The following MAPT variants were observed in gnomAD, a reference collection of about 807,000 sequenced individuals.
MAPT encodes the protein microtubule-associated protein tau.
MAPT carries 34 observed loss-of-function variants against 67.9 expected under a neutral mutation model. That is an observed-to-expected ratio of 0.50 (90% CI 0.38 to 0.67). The LOEUF (loss-of-function observed/expected upper bound fraction) is 0.67, where lower values mean the gene tolerates loss of function less well. Ranked by LOEUF, MAPT falls within the 30% of genes least tolerant of loss-of-function variation. The pLI, the probability that MAPT is intolerant of heterozygous loss-of-function variation, is 0.00. For synonymous variants in MAPT, 456 were observed against 464.5 expected (o/e 0.98, Z 0.23); for missense variants, 881 against 1,115.2 (o/e 0.79, Z 2.99).
chr17:46,019,856 A>G (rs1477799678), intron 12 of MAPT, among the ~76,000 whole-genome samples: 2 of 151,780 alleles, frequency 1.3e-5, no homozygotes, highest in Non-Finnish European at 2.9e-5. Context: ...TACTAAAAAT[A>G]CAAAAGTTAG....
intron 3 of MAPT, chr17:45,974,062 C>G (rs2072032689): frequency 2.5e-6 from 1 of 407,652 alleles, no homozygotes; most frequent in Admixed American, 3.6e-5. Context: ...AAGCAATCAT[C>G]TGGTTTTCAG....
chr17:46,002,179 C>T (rs2075055013), intron 9 of MAPT, among the ~76,000 whole-genome samples: 2 of 152,168 alleles, frequency 1.3e-5, no homozygotes, highest in African/African-American at 2.4e-5. Context: ...GGACATCGCC[C>T]GACAGGACAG....
chr17:45,974,571 T>C, intron 3 of MAPT: 1 of 933,680 alleles, frequency 1.1e-6, no homozygotes, highest in South Asian at 1.4e-5. Context: ...TTTATCCTCC[T>C]GTGGGGCAGG....
chr17:45,939,303 G>A (rs1316268187), intron 1 of MAPT, among the ~76,000 whole-genome samples: 1 of 152,206 alleles, frequency 6.6e-6, no homozygotes, highest in Non-Finnish European at 1.5e-5. Flanking sequence ...AGATCTGGAA[G>A]AGGTGGGATG....
In MAPT at chr17:45,969,744, A is replaced by G. The variant is rs118190448; in HGVS notation, c.134-2115A>G. 5.7e-3 allele frequency among the ~76,000 whole-genome samples: 870 copies of G among 151,588 alleles called. 28 individuals carry two copies. In the East Asian group the frequency reaches 0.066, roughly 11 times the overall value. On this transcript the variant is annotated intron_variant, in intron 2 of 12. Transcript: ENST00000262410. ...TACATATATCCAATCATACATCTGC[A>G]CATCACCAGCTCATCCATCTATCCA... is the stretch of plus-strand genomic sequence containing the variant.
Position 45,983,825 on chromosome 17 carries a change from T to A in MAPT, c.1246T>A (p.Ser416Thr). 1 of 1,612,624 alleles carries A rather than the reference T, an allele frequency of 6.2e-7. No individual in the cohort carries two copies. The highest frequency in any genetic ancestry group is 8.5e-7 in the Non-Finnish European group (1 of 1,179,788). The change falls in exon 5 of 13, where the codon TCT becomes ACT. Residue 416 changes from serine to threonine, a missense_variant. Coordinates refer to ENST00000262410, the MANE Select transcript of MAPT (RefSeq NM_001377265.1). Reference sequence around the variant, plus strand: ...AGAGGGGCCAGAGGCCCGGGGCCCCTCTTTGGGAGAGGACACAAAAGAGGC... The same window carrying A: ...AGAGGGGCCAGAGGCCCGGGGCCCCACTTTGGGAGAGGACACAAAAGAGGC... The part of the protein sequence containing the change: ...PGEGPEARGP[S>T]LGEDTKEADL...
At chr17:45,999,697 C>A in intron 9 of MAPT, 1 of 1,532,596 alleles carries the variant, frequency 6.5e-7, no homozygotes. Context: ...CAGGTTATGA[C>A]GTCACCATGC....
At chr17:45,961,273 T>C (rs2070377815) in intron 1 of MAPT, among the ~76,000 whole-genome samples, 1 of 152,270 alleles carries the variant, frequency 6.6e-6, no homozygotes, top group African/African-American at 2.4e-5. Context: ...GTGGTTTCTA[T>C]CCAGCTCTGT....
At position 45,982,867 on chromosome 17, in the gene MAPT, G is replaced by A. The variant is rs142076597; in HGVS notation, c.288G>A (p.Glu96=). 1.5e-6 allele frequency: 2 copies of A among 1,318,526 alleles called. No individual in the cohort carries two copies. The highest frequency in any genetic ancestry group is 2.9e-5 in the African/African-American group (2 of 67,830). 81.7% of individuals were successfully genotyped at this position (1,318,526 alleles called of 1,614,324 possible). The change falls in exon 5 of 13, where the codon GAG becomes GAA. Residue 96 remains glutamate, a splice_region_variant and synonymous_variant. Coordinates refer to ENST00000262410, the MANE Select transcript of MAPT (RefSeq NM_001377265.1). Reference sequence around the variant, plus strand: ...GCTATCGCTGCCTCTTCAAACCAGAGGAGTTGAGAGTTCCGGGCCGGCAGA... The same window carrying A: ...GCTATCGCTGCCTCTTCAAACCAGAAGAGTTGAGAGTTCCGGGCCGGCAGA... ...EDEAAGHVTQ[E]ELRVPGRQRK... is the part of the protein sequence containing the mutation.
chr17:45,967,727 C>G (rs745855423), intron 2 of MAPT, among the ~76,000 whole-genome samples: 2 of 152,126 alleles, frequency 1.3e-5, no homozygotes, highest in African/African-American at 4.8e-5. Flanking sequence ...AAATTACTCC[C>G]GCCCCAGGTG....
chr17:45,989,979 C>A lies in MAPT; in HGVS notation c.1509C>A (p.Ser503Arg), dbSNP rs775726588. The change falls in exon 7 of 13, where the codon AGC becomes AGA. Residue 503 changes from serine to arginine, a missense_variant. By Grantham distance (110) the Ser-to-Arg change is moderately radical. Transcript: ENST00000262410. ...GSSDPLIQPSSPAVCPEPPSS... is the reference protein window; with the variant it reads ...GSSDPLIQPSRPAVCPEPPSS... ...CAGACCCTCTGATCCAACCCTCCAGCCCTGCTGTGTGCCCAGAGCCACCTT... is the reference window on the plus strand; with the variant it reads ...CAGACCCTCTGATCCAACCCTCCAGACCTGCTGTGTGCCCAGAGCCACCTT... 1.2e-6 allele frequency: 2 copies of A among 1,614,202 alleles called. No individual in the cohort carries two copies.
At chr17:46,014,654 C>CATGA (rs1296658366) in intron 11 of MAPT, among the ~76,000 whole-genome samples, 2 of 152,024 alleles carry the variant, frequency 1.3e-5, no homozygotes, top group Non-Finnish European at 2.9e-5. Flanking sequence ...GTGGGTGGAT[C>CATGA]ATGAGGTCAG....
intron 7 of MAPT, chr17:45,990,395 C>T (rs190751523): frequency 4.2e-4 from 192 of 460,420 alleles, no homozygotes; most frequent in Admixed American, 2.0e-3. Flanking sequence ...GGGTGGATCA[C>T]CTGAGATCAG....
chr17:45,962,958 T>G (rs1282144173), intron 2 of MAPT, among the ~76,000 whole-genome samples: 2 of 151,970 alleles, frequency 1.3e-5, no homozygotes, highest in African/African-American at 2.4e-5. Context: ...AGAAAGAAAT[T>G]TACCTTGAGT....
intron 1 of MAPT, among the ~76,000 whole-genome samples, chr17:45,927,738 C>T (rs1184259707): frequency 6.6e-6 from 1 of 152,118 alleles, no homozygotes; most frequent in South Asian, 2.1e-4. Flanking sequence ...CGGTGACTCA[C>T]GCCTGTAATT....
At chr17:45,943,877 C>T (rs564710008) in intron 1 of MAPT, among the ~76,000 whole-genome samples, 108 of 152,302 alleles carry the variant, frequency 7.1e-4, no homozygotes, top group African/African-American at 2.4e-3. Flanking sequence ...GAGACCTTCC[C>T]GGAAGTTGCC....
chr17:45,997,267 C>T (rs1000350750), intron 9 of MAPT, among the ~76,000 whole-genome samples: 3 of 152,160 alleles, frequency 2.0e-5, no homozygotes, highest in East Asian at 1.9e-4. Flanking sequence ...CTGTGCCCCT[C>T]GTCTGGGTGC....
intron 1 of MAPT, among the ~76,000 whole-genome samples, chr17:45,961,815 AC>A (rs1232391412): frequency 2.0e-5 from 3 of 149,598 alleles, no homozygotes; most frequent in Non-Finnish European, 4.4e-5. Flanking sequence ...TCACCCTGTC[AC>A]CCAGGCTGGA....
chr17:46,002,204 T>C (rs926244262), intron 9 of MAPT, among the ~76,000 whole-genome samples: 3 of 152,096 alleles, frequency 2.0e-5, no homozygotes, highest in African/African-American at 7.2e-5. Flanking sequence ...TGGTGGACGG[T>C]GGCCCTGAAG....
Sources: gnomAD v4.1 joint callset for allele counts (sites outside exome capture counted in the v4.1 genomes callset) on GRCh38, gnomAD v4.1.1 for gene constraint, MANE v1.5 for transcripts, NCBI Gene and HGNC (gene_info 2026-07-23, HGNC 2026-07-21) for gene names.